The following HDAC9 variants were observed in gnomAD, a reference collection of about 807,000 sequenced individuals.
HDAC9 encodes the protein MEF-2 interacting transcription repressor (MITR) protein.
A neutral mutation model predicts 139.4 loss-of-function variants in HDAC9; 41 were observed. That is an observed-to-expected ratio of 0.29 (90% confidence interval 0.23 to 0.38). The LOEUF is 0.38. Among genes scored for constraint, HDAC9 ranks in the 10% least tolerant of loss-of-function variants. The pLI is 1.00. For missense variants in HDAC9, 1,147 were observed against 1,297.0 expected, an observed-to-expected ratio of 0.88 and a Z score of 1.78; for synonymous variants, 517 against 476.2, an observed-to-expected ratio of 1.09 and a Z score of -1.12.
At chr7:18,845,788 G>A (rs1036805558) in intron 21 of HDAC9, among the ~76,000 whole-genome samples, 1 of 152,142 alleles carries the variant, frequency 6.6e-6, no homozygotes, top group Admixed American at 6.5e-5. Flanking sequence ...AATAAAACAT[G>A]ACCAGATTGG....
chr7:18,857,335 T>TTGTGTGTATGTG, intron 21 of HDAC9, among the ~76,000 whole-genome samples: 1 of 140,982 alleles, frequency 7.1e-6, no homozygotes, highest in South Asian at 2.4e-4. Flanking sequence ...TATGTTTTAG[T>TTGTGTGTATGTG]TGTGTGTGTG....
At position 18,563,838 on chromosome 7, in the gene HDAC9, C is replaced by CTTT. The variant is rs374816857; in HGVS notation, c.23-21429_23-21427dup. ...ATACATGTACCATGTTGATTTGCTG[C>CTTT]TTTTTTTTTTTTTTTTGAGACGGAT... On this transcript the variant is annotated intron_variant, in intron 2 of 25. Coordinates refer to ENST00000686413, the MANE Select transcript of HDAC9 (RefSeq NM_178425.4). Among the ~76,000 whole-genome samples the CTTT allele has an allele frequency of 1.5e-3, 202 of 132,948 alleles. 1 individual carries two copies. Among genetic ancestry groups the CTTT allele is most frequent in the African/African-American group, 2.7e-3 (98 of 35,716 alleles). 87.2% of individuals were successfully genotyped at this position (132,948 alleles called of 152,430 possible).
chr7:18,673,971 A>T (rs1240575064), intron 12 of HDAC9, among the ~76,000 whole-genome samples: 1 of 151,980 alleles, frequency 6.6e-6, no homozygotes, highest in Non-Finnish European at 1.5e-5. Flanking sequence ...TCTCATCTCA[A>T]AGTTAGTAAA....
chr7:18,499,073 GGTGTGTATGTGTGT>G (rs1167368838), intron 2 of HDAC9, among the ~76,000 whole-genome samples: 10 of 59,398 alleles, frequency 1.7e-4, no homozygotes, highest in Non-Finnish European at 2.8e-4. Flanking sequence ...GTAAGAGTAG[GGTGTGTATGTGTGT>G]GTGTGTGTGT....
rs1786776886 is a variant in HDAC9, at chr7:19,002,043, GTTTTGCCC to G, written c.*5984_*5991del. ...GTTTGTTGTCCTCTGTGCACCAGTGGTTTTGCCCTTAATTTTTTTTGGCTAGCATCACC... is the reference window on the plus strand; with the variant it reads ...GTTTGTTGTCCTCTGTGCACCAGTGGTTAATTTTTTTTGGCTAGCATCACC... On this transcript the variant is annotated 3_prime_UTR_variant, in exon 26 of 26. Coordinates refer to ENST00000686413, the MANE Select transcript of HDAC9 (RefSeq NM_178425.4). 6.6e-6 allele frequency: 1 copy of G among 151,984 alleles called. No individual in the cohort carries two copies. The highest frequency in any genetic ancestry group is 1.5e-5 in the Non-Finnish European group (1 of 67,910). The allele number at this position is 151,984 out of a possible 1,614,324, so 9.4% of individuals were successfully genotyped here. A position where few individuals can be genotyped will look rare whatever the true frequency, so the allele number is the denominator to read the frequency against.
intron 12 of HDAC9, among the ~76,000 whole-genome samples, chr7:18,705,996 T>C (rs956146680): frequency 1.3e-5 from 2 of 152,018 alleles, no homozygotes; most frequent in Non-Finnish European, 2.9e-5. Flanking sequence ...CATTGATGTC[T>C]GGGCAGATTT....
chr7:18,856,023 A>G (rs189975462), intron 21 of HDAC9, among the ~76,000 whole-genome samples: 53 of 152,242 alleles, frequency 3.5e-4, no homozygotes, highest in African/African-American at 1.2e-3. Context: ...CACATTAGCG[A>G]GGCTGGTGTT....
At chr7:18,925,403 C>T (rs568305665) in intron 22 of HDAC9, among the ~76,000 whole-genome samples, 4 of 152,220 alleles carry the variant, frequency 2.6e-5, no homozygotes, top group African/African-American at 7.2e-5. Flanking sequence ...TTAGGTCTCA[C>T]TAACATTAGT....
At chr7:18,345,118 A>T (rs1782302951) in intron 1 of HDAC9, among the ~76,000 whole-genome samples, 1 of 152,026 alleles carries the variant, frequency 6.6e-6, no homozygotes, top group Non-Finnish European at 1.5e-5. Context: ...GTCAGATGGT[A>T]GTAGGTGCTC....
chr7:18,376,333 C>T (rs1451302466), intron 1 of HDAC9, among the ~76,000 whole-genome samples: 4 of 152,138 alleles, frequency 2.6e-5, no homozygotes, highest in Non-Finnish European at 5.9e-5. Context: ...TGTAATAGTT[C>T]TATTTCCAGG....
intron 14 of HDAC9, among the ~76,000 whole-genome samples, chr7:18,757,895 G>T (rs757497890): frequency 6.6e-6 from 1 of 152,126 alleles, no homozygotes; most frequent in African/African-American, 2.4e-5. Flanking sequence ...TGTGTTGTGA[G>T]ACTCAATGAT....
chr7:18,461,101 C>T (rs1196885866), intron 1 of HDAC9, among the ~76,000 whole-genome samples: 1 of 152,074 alleles, frequency 6.6e-6, no homozygotes, highest in African/African-American at 2.4e-5. Context: ...ACAAATCTTG[C>T]GTATGTGTAC....
At position 18,585,342 on chromosome 7, in the gene HDAC9, A is replaced by G. The variant is rs768147165; in HGVS notation, c.84A>G (p.Thr28=). ...LEPISPLDLR[T]DLRMMMPVVD... Reference sequence around the variant, plus strand: ...CCATCTCACCTTTAGACCTAAGGACAGACCTCAGGATGATGATGCCCGTGG... The same window carrying G: ...CCATCTCACCTTTAGACCTAAGGACGGACCTCAGGATGATGATGCCCGTGG... Residue 28 remains threonine (T), a synonymous_variant, in exon 3 of 26, where the codon ACA becomes ACG. Coordinates refer to ENST00000686413, the MANE Select transcript of HDAC9 (RefSeq NM_178425.4). The G allele has an allele frequency of 6.2e-7, 1 of 1,613,686 alleles. No individual in the cohort carries two copies. The highest frequency in any genetic ancestry group is 1.3e-5 in the African/African-American group (1 of 74,864).
At chr7:18,121,649 G>A (rs531864229) in intron 1 of HDAC9, among the ~76,000 whole-genome samples, 1 of 152,022 alleles carries the variant, frequency 6.6e-6, no homozygotes, top group South Asian at 2.1e-4. Flanking sequence ...ACACAGAGAT[G>A]TGCTCAGTGT....
intron 1 of HDAC9, among the ~76,000 whole-genome samples, chr7:18,301,733 G>A (rs1798552647): frequency 6.6e-6 from 1 of 152,130 alleles, no homozygotes; most frequent in African/African-American, 2.4e-5. Context: ...CAAATGAGAA[G>A]TGCCAGCTTC....
intron 13 of HDAC9, among the ~76,000 whole-genome samples, chr7:18,741,832 T>C (rs1253374003): frequency 6.6e-6 from 1 of 152,160 alleles, no homozygotes; most frequent in Non-Finnish European, 1.5e-5. Flanking sequence ...AAGAAGTTGA[T>C]TCCAGTTCTC....
intron 2 of HDAC9, among the ~76,000 whole-genome samples, chr7:18,547,530 C>T (rs112270460): frequency 0.023 from 3,496 of 152,216 alleles, 152 homozygotes; most frequent in African/African-American, 0.079. Flanking sequence ...CCACCATGCC[C>T]GGCCGACTGT....
chr7:18,640,700 G>T (rs1175430418), intron 8 of HDAC9, among the ~76,000 whole-genome samples: 1 of 151,958 alleles, frequency 6.6e-6, no homozygotes, highest in Non-Finnish European at 1.5e-5. Context: ...AATGTTATCT[G>T]CATCATTCCA....
At chr7:18,694,748 G>A (rs1438826891) in intron 12 of HDAC9, among the ~76,000 whole-genome samples, 1 of 152,056 alleles carries the variant, frequency 6.6e-6, no homozygotes, top group Non-Finnish European at 1.5e-5. Flanking sequence ...CCTTGGTCTT[G>A]ACATCAGTCA....
Sources: gnomAD v4.1 joint callset for allele counts (sites outside exome capture counted in the v4.1 genomes callset) on GRCh38, gnomAD v4.1.1 for gene constraint, MANE v1.5 for transcripts, NCBI Gene and HGNC (gene_info 2026-07-23, HGNC 2026-07-21) for gene names.